The following FAAH2 variants were observed in gnomAD, a reference collection of about 807,000 sequenced individuals.
The protein encoded by FAAH2 is fatty acid amide hydrolase 2.
In FAAH2, 60 loss-of-function variants were observed where a neutral mutation model predicts 36.9. The ratio of observed to expected loss-of-function variants is 1.63; its 90% CI spans 1.32 to 2.02. The LOEUF is 2.02. Among genes scored for constraint, FAAH2 ranks in the 30% most tolerant of loss-of-function variants. The pLI is 0.00. For missense variants in FAAH2, 689 were observed against 397.5 expected (o/e 1.73, Z -6.23); for synonymous variants, 214 against 143.8 (o/e 1.49, Z -3.49).
chrX:57,216,520 GTATATGTATATATATATA>G, the FAAH2 span, among the ~76,000 whole-genome samples: 2 of 46,143 alleles, frequency 4.3e-5, no homozygotes, highest in African/African-American at 2.7e-4. Context: ...ATATATATAC[GTATATGTATATATATATA>G]TATACGTATA....
chrX:57,471,930 A>G (rs2057176116), intron 10 of FAAH2, among the ~76,000 whole-genome samples: 1 of 111,395 alleles, frequency 9.0e-6, no homozygotes, highest in African/African-American at 3.3e-5. Context: ...GCACTCAGAA[A>G]TAATACCACA....
chrX:57,225,499 G>C, the FAAH2 span, among the ~76,000 whole-genome samples: 1 of 111,612 alleles, frequency 9.0e-6, no homozygotes, highest in African/African-American at 3.3e-5. Flanking sequence ...TTTGGTCTGA[G>C]AGAGTATTTG....
the FAAH2 span, among the ~76,000 whole-genome samples, chrX:57,141,785 C>CT: frequency 2.7e-5 from 3 of 109,635 alleles, no homozygotes; most frequent in East Asian, 2.8e-4. Flanking sequence ...TTTTCTTTTT[C>CT]TTTTTTTTAA....
chrX:57,241,681 A>T, the FAAH2 span, among the ~76,000 whole-genome samples: 21 of 111,863 alleles, frequency 1.9e-4, no homozygotes, highest in African/African-American at 6.5e-4. Context: ...GTAGTCTTTT[A>T]TTCATCACCC....
chrX:57,400,891 G>A (rs955611885), intron 7 of FAAH2, among the ~76,000 whole-genome samples: 1 of 111,933 alleles, frequency 8.9e-6, no homozygotes, highest in African/African-American at 3.2e-5. Context: ...GAGAGGCTGA[G>A]GCGGGCAGAT....
At chrX:57,147,796 T>C in the FAAH2 span, among the ~76,000 whole-genome samples, 4 of 112,135 alleles carry the variant, frequency 3.6e-5, no homozygotes, top group Non-Finnish European at 7.5e-5. Context: ...TTAATTTTCA[T>C]CTTGATTTCA....
At chrX:57,225,146 C>A in the FAAH2 span, among the ~76,000 whole-genome samples, 4 of 108,703 alleles carry the variant, frequency 3.7e-5, no homozygotes, top group Admixed American at 2.9e-4. Flanking sequence ...TCATGCAGTT[C>A]TTCTCTGATC....
the FAAH2 span, among the ~76,000 whole-genome samples, chrX:57,216,723 G>A: frequency 1.6e-4 from 16 of 97,250 alleles, 1 homozygote; most frequent in Admixed American, 8.3e-4. Flanking sequence ...TAATTGTGCC[G>A]CTATAAACAT....
intron 7 of FAAH2, among the ~76,000 whole-genome samples, chrX:57,409,825 T>A (rs1003237535): frequency 2.7e-5 from 3 of 111,029 alleles, no homozygotes; most frequent in Non-Finnish European, 5.7e-5. Context: ...GTTTTCTCAA[T>A]GTTGTTCTTC....
chrX:57,229,007 C>T, the FAAH2 span: 1 of 111,757 alleles, frequency 8.9e-6, no homozygotes, highest in Non-Finnish European at 1.9e-5. Flanking sequence ...ATCACTTCTC[C>T]TCCTTTGTTC....
chrX:57,183,893 G>T, the FAAH2 span, among the ~76,000 whole-genome samples: 1 of 109,253 alleles, frequency 9.2e-6, no homozygotes, highest in Non-Finnish European at 1.9e-5. Context: ...AGGAGATATC[G>T]CTAAATTTTT....
upstream of FAAH2, among the ~76,000 whole-genome samples, chrX:57,286,405 G>A (rs747634460): frequency 1.8e-5 from 2 of 111,758 alleles, no homozygotes; most frequent in Non-Finnish European, 3.8e-5. Context: ...TGTGCTAAAT[G>A]TTTTTACTTA....
At chrX:57,169,605 T>G in the FAAH2 span, among the ~76,000 whole-genome samples, 1 of 72,434 alleles carries the variant, frequency 1.4e-5, no homozygotes, top group African/African-American at 5.4e-5. Flanking sequence ...GACTAAAATA[T>G]AAATCAGTAG....
chrX:57,295,198 C>T (rs1015873563), intron 2 of FAAH2, among the ~76,000 whole-genome samples: 5 of 111,921 alleles, frequency 4.5e-5, no homozygotes, highest in African/African-American at 6.5e-5. Context: ...TGCCAGCTGA[C>T]TGGTGCCAGT....
At chrX:57,392,002 A>G (rs2055178413) in intron 7 of FAAH2, among the ~76,000 whole-genome samples, 1 of 110,292 alleles carries the variant, frequency 9.1e-6, no homozygotes, top group Non-Finnish European at 1.9e-5. Flanking sequence ...AGTGTTTTGT[A>G]TTTCTCCTTA....
At chrX:57,299,206 A>G (rs770551138) in intron 2 of FAAH2, among the ~76,000 whole-genome samples, 10 of 112,368 alleles carry the variant, frequency 8.9e-5, no homozygotes, top group Admixed American at 1.9e-4. Flanking sequence ...AAAATCCTCA[A>G]TAAAATGCTG....
intron 7 of FAAH2, among the ~76,000 whole-genome samples, chrX:57,414,661 A>G (rs1007405626): frequency 9.0e-6 from 1 of 110,807 alleles, no homozygotes; most frequent in African/African-American, 3.3e-5. Context: ...AATGAAGGAT[A>G]TTTGCCTGAA....
chrX:57,158,023 G>A, the FAAH2 span, among the ~76,000 whole-genome samples: 5 of 110,000 alleles, frequency 4.5e-5, no homozygotes, highest in African/African-American at 9.9e-5. Flanking sequence ...AACAGGCCCC[G>A]GTGTGTGATC....
chrX:57,309,046 T>C (rs773562630), intron 2 of FAAH2, among the ~76,000 whole-genome samples: 25 of 112,332 alleles, frequency 2.2e-4, no homozygotes, highest in Non-Finnish European at 3.9e-4. Flanking sequence ...CAAAGATATT[T>C]TATTAAAGTT....
Sources: allele counts gnomAD v4.1 joint callset (sites outside exome capture counted in the v4.1 genomes callset), GRCh38; gene constraint gnomAD v4.1.1; transcripts MANE v1.5; gene names NCBI Gene and HGNC (gene_info 2026-07-23, HGNC 2026-07-21).